Variants in SYDE1 observed in about 807,000 individuals in gnomAD.
The protein encoded by SYDE1 is rho GTPase-activating protein SYDE1.
A neutral mutation model predicts 63.3 loss-of-function variants in SYDE1; 34 were observed. The ratio of observed to expected loss-of-function variants is 0.54; its 90% confidence interval spans 0.41 to 0.71. The LOEUF is 0.71. SYDE1 is among the 30% of genes least tolerant of loss of function. SYDE1 has a pLI of 0.00. For missense variants in SYDE1, 925 were observed against 1,042.5 expected (o/e 0.89, Z 1.55); for synonymous variants, 467 against 473.4 (o/e 0.99, Z 0.18).
In SYDE1 at chr19:15,111,383, A is replaced by C. The variant is rs774505761; in HGVS notation, c.1361A>C (p.Asp454Ala). Residue 454 changes from aspartate (D) to alanine (A), a missense_variant, in exon 5 of 8, where the codon GAC becomes GCC. By Grantham distance (126) the Asp-to-Ala change is moderately radical (BLOSUM62 -2). Around this residue, in one of 3 missense-constraint regions of SYDE1, gnomAD observed 599 missense variants for 653.7 expected, o/e 0.92. Transcript: ENST00000342784. This position sits in a 1 kb window ranked among gnomAD's most constrained non-coding sequence, Gnocchi z 5.5. ...GAGCTTCGGGATGCCTTTGAGCGGG[A>C]CAGTGCAGCGGTCTGCCTATCTGAG... is the stretch of plus-strand genomic sequence containing the variant. ...KKELRDAFER[D>A]SAAVCLSEDL... 7 of 1,614,056 alleles carry C rather than the reference A, an allele frequency of 4.3e-6. No homozygotes were observed.
Position 15,111,855 on chromosome 19 carries a change from ACCC to A in SYDE1, c.1578+64_1578+66del. 1 of 1,472,152 alleles carries A rather than the reference ACCC, an allele frequency of 6.8e-7. No individual in the cohort carries two copies. Among genetic ancestry groups the A allele is most frequent in the South Asian group, 1.4e-5 (1 of 71,910 alleles). 91.2% of individuals were successfully genotyped at this position (1,472,152 alleles called of 1,614,324 possible). ...TGGGCTGATACCAATAGAATGTTTC[ACCC>A]ATGCCTGGGCCTGAGATGGGCATGA... On this transcript the variant is annotated intron_variant, in intron 6 of 7. Transcript: ENST00000342784. The surrounding 1 kb of genome is among the most constrained non-coding windows in gnomAD (Gnocchi z 5.5).
rs778297604 is a variant in SYDE1, at chr19:15,110,750, C to G, written c.1290+15C>G. 14 of 1,523,574 alleles carry G rather than the reference C, an allele frequency of 9.2e-6. No individual in the cohort carries two copies. The highest frequency in any genetic ancestry group is 2.0e-4 in the Middle Eastern group (1 of 5,096). The allele number at this position is 1,523,574 out of a possible 1,614,324, so 94.4% of individuals were successfully genotyped here. Reference sequence around the variant, plus strand: ...GAGGGCTGCGGGTGAGCACCCACCCCACCCCAACCCTCTGGCCCCCAGACC... The same window carrying G: ...GAGGGCTGCGGGTGAGCACCCACCCGACCCCAACCCTCTGGCCCCCAGACC... On this transcript the variant is annotated intron_variant, in intron 4 of 7. Transcript: ENST00000342784. This position sits in a 1 kb window ranked among gnomAD's most constrained non-coding sequence, Gnocchi z 6.9.
At chr19:15,112,641 C>A (rs2046352967) in intron 7 of SYDE1, 70 bp downstream of exon 7, 3 of 1,350,236 alleles carry the variant, frequency 2.2e-6, no homozygotes, top group South Asian at 2.9e-5. Flanking sequence ...CCTTAAGGGA[C>A]CAATCAGTGT....
Position 15,108,199 on chromosome 19 carries a change from C to T in SYDE1, c.88+678C>T, listed in dbSNP as rs1054318754. Among the ~76,000 whole-genome samples, 1 of 152,100 alleles carries T rather than the reference C, an allele frequency of 6.6e-6. No homozygotes were observed. Among genetic ancestry groups the T allele is most frequent in the African/African-American group, 2.4e-5 (1 of 41,396 alleles). On this transcript the variant is annotated intron_variant, in intron 1 of 7. Transcript: ENST00000342784. This position sits in a 1 kb window ranked among gnomAD's most constrained non-coding sequence, Gnocchi z 4.3. ...AGTTCAGCAGGGTAGCAAGTAAAAA[C>T]CTTAGAGAAACAGCTGCGTGGGATA... is the stretch of plus-strand genomic sequence containing the variant.
chr19:15,109,150 C>A lies in SYDE1; in HGVS notation c.183C>A (p.Pro61=). ...SQAGAEGPSS[P]EASRSPARGA... is the part of the protein sequence containing the mutation. ...CCGGAGCAGAGGGGCCCTCCAGCCCCGAGGCATCAAGGAGCCCTGCACGGG... is the reference window on the plus strand; with the variant it reads ...CCGGAGCAGAGGGGCCCTCCAGCCCAGAGGCATCAAGGAGCCCTGCACGGG... Residue 61 remains proline (P), a synonymous_variant, in exon 2 of 8, where the codon CCC becomes CCA. Coordinates refer to ENST00000342784, the MANE Select transcript of SYDE1 (RefSeq NM_033025.6). This position sits in a 1 kb window ranked among gnomAD's most constrained non-coding sequence, Gnocchi z 5.0. The A allele has an allele frequency of 6.4e-7, 1 of 1,551,880 alleles. No individual in the cohort carries two copies. The highest frequency in any genetic ancestry group is 8.7e-7 in the Non-Finnish European group (1 of 1,147,272).
At chr19:15,113,465 C>T (rs1026771451) in intron 7 of SYDE1, 95 bp from the exon 8 acceptor site, 13 of 1,423,120 alleles carry the variant, frequency 9.1e-6, no homozygotes, top group African/African-American at 2.9e-5. Context: ...GGTCGAAGGC[C>T]GCTTTCCACA....
rs773248318 is a variant in SYDE1 at position 15,109,346 on chromosome 19, C to A, written c.379C>A (p.Pro127Thr). Residue 127 changes from proline (P) to threonine (T), a missense_variant, in exon 2 of 8, where the codon CCC (proline) becomes ACC (threonine). Pro to Thr is a conservative substitution (Grantham distance 38, BLOSUM62 -1). Coordinates refer to ENST00000342784, the MANE Select transcript of SYDE1 (RefSeq NM_033025.6). This position sits in a 1 kb window ranked among gnomAD's most constrained non-coding sequence, Gnocchi z 5.0. The part of the protein sequence containing the change: ...EEDPRPPAPE[P>T]PGPQPGSAES... ...AGACCCCAGACCTCCAGCACCTGAG[C>A]CCCCGGGGCCACAGCCTGGCTCAGC... The A allele has an allele frequency of 5.6e-6, 9 of 1,594,916 alleles. No individual in the cohort carries two copies. In the Admixed American group the frequency reaches 8.7e-5, roughly 15 times the overall value.
chr19:15,111,333 T>C lies in SYDE1; in HGVS notation c.1311T>C (p.Leu437=), dbSNP rs530015553. 7 of 1,614,118 alleles carry C rather than the reference T, an allele frequency of 4.3e-6. No homozygotes were observed. The South Asian group carries it at 5.5e-5, about 13-fold the overall frequency. The change falls in exon 5 of 8, where the codon CTT becomes CTC. Residue 437 remains leucine, a synonymous_variant. Coordinates refer to ENST00000342784, the MANE Select transcript of SYDE1 (RefSeq NM_033025.6). This position sits in a 1 kb window ranked among gnomAD's most constrained non-coding sequence, Gnocchi z 5.5. ...CCCAGGTAGTGGGACTGTACCGTCT[T>C]TGTGGCTCAGCGGCAGTGAAGAAAG... ...RGLRVVGLYR[L]CGSAAVKKEL...
At chr19:15,112,178 A>C (rs1358238455) in intron 6 of SYDE1, among the ~76,000 whole-genome samples, 168 bp from the exon 7 acceptor site, 1 of 152,162 alleles carries the variant, frequency 6.6e-6, no homozygotes, top group Non-Finnish European at 1.5e-5. Context: ...CCCTCCAACA[A>C]AATAGGCTCA....
chr19:15,113,648 C>G lies in SYDE1; in HGVS notation c.1893C>G (p.Pro631=). The G allele has an allele frequency of 6.2e-7, 1 of 1,612,970 alleles. No homozygotes were observed. The highest frequency in any genetic ancestry group is 8.5e-7 in the Non-Finnish European group (1 of 1,179,606). ...CTCTGCACCTGCCGCTGGCAGACCC[C>G]GAAGTGGTGACTCGGCCCCGCGGTC... ...QPPLHLPLAD[P]EVVTRPRGRG... Residue 631 remains proline, a synonymous_variant, in exon 8 of 8, where the codon CCC becomes CCG. Coordinates refer to ENST00000342784, the MANE Select transcript of SYDE1 (RefSeq NM_033025.6).
Position 15,113,350 on chromosome 19 carries a change from C to G in SYDE1, c.1805-210C>G, listed in dbSNP as rs11882180. ...TCCAGGCATGATCCACAGACCTGCC[C>G]CTACCCATCTTTGATGCAGTCAGAG... On this transcript the variant is annotated intron_variant, in intron 7 of 7. Coordinates refer to ENST00000342784, the MANE Select transcript of SYDE1 (RefSeq NM_033025.6). Among the ~76,000 whole-genome samples the G allele has an allele frequency of 7.9e-3, 1,207 of 152,178 alleles. 17 individuals carry two copies. The highest frequency in any genetic ancestry group is 0.028 in the African/African-American group (1,141 of 41,452).
Position 15,110,574 on chromosome 19 carries a change from G to T in SYDE1, c.1129G>T (p.Ala377Ser). 6.3e-7 allele frequency: 1 copy of T among 1,598,808 alleles called. No individual in the cohort carries two copies. ...VRLEPQGLLY[A>S]KLTLSEQQEA... ...CCTGGAGCCTCAGGGGCTGCTGTAT[G>T]CCAAGCTGACCCTGTCGGAGCAGCA... The change falls in exon 4 of 8, where the codon GCC becomes TCC. Residue 377 changes from alanine (A) to serine (S), a missense_variant. By Grantham distance (99) the Ala-to-Ser change is moderately conservative. Transcript: ENST00000342784. The surrounding 1 kb of genome is among the most constrained non-coding windows in gnomAD (Gnocchi z 6.9).
chr19:15,112,704 C>A, intron 7 of SYDE1, 133 bp downstream of exon 7: 1 of 693,444 alleles, frequency 1.4e-6, no homozygotes, highest in East Asian at 2.8e-5. Context: ...CTGGTTGCCT[C>A]AGCAACCAGT....
Position 15,113,542 on chromosome 19 carries a change from T to C in SYDE1, c.1805-18T>C. On this transcript the variant is annotated intron_variant, in intron 7 of 7. Coordinates refer to ENST00000342784, the MANE Select transcript of SYDE1 (RefSeq NM_033025.6). ...TCGGCTGTCGCCTCTTTCTATGACC[T>C]ACCCTGTCTCCCTTCAGATCCCCGC... The C allele has an allele frequency of 1.3e-6, 2 of 1,525,812 alleles. No homozygotes were observed. The highest frequency in any genetic ancestry group is 1.8e-6 in the Non-Finnish European group (2 of 1,139,222). The allele number at this position is 1,525,812 out of a possible 1,614,324, so 94.5% of individuals were successfully genotyped here.
chr19:15,109,710 C>G lies in SYDE1; in HGVS notation c.437C>G (p.Ala146Gly). The G allele has an allele frequency of 6.7e-7, 1 of 1,501,448 alleles. No homozygotes were observed. The highest frequency in any genetic ancestry group is 8.9e-7 in the Non-Finnish European group (1 of 1,122,688). The allele number at this position is 1,501,448 out of a possible 1,614,324, so 93.0% of individuals were successfully genotyped here. A position where few individuals can be genotyped will look rare whatever the true frequency, so the allele number is the denominator to read the frequency against. The change falls in exon 3 of 8, where the codon GCC (alanine) becomes GGC (glycine). Residue 146 changes from alanine (A) to glycine (G), a missense_variant. Coordinates refer to ENST00000342784, the MANE Select transcript of SYDE1 (RefSeq NM_033025.6). The surrounding 1 kb of genome is among the most constrained non-coding windows in gnomAD (Gnocchi z 5.0). ...ESEGLAPQGA[A>G]PASPPTKASR... ...AAGTCTGCTCTCCACACAGGTGCAG[C>G]CCCCGCCAGCCCCCCAACCAAAGCC...
chr19:15,114,953 TAATA>T lies in SYDE1; in HGVS notation c.*999_*1002del, dbSNP rs758677653. ...TTTTCCGCACCTCCATCTTTGTGGA[TAATA>T]AATAAATATGCACAGGTTCTGAGAC... On this transcript the variant is annotated 3_prime_UTR_variant, in exon 8 of 8. Coordinates refer to ENST00000342784, the MANE Select transcript of SYDE1 (RefSeq NM_033025.6). 1.1e-5 allele frequency: 5 copies of T among 468,994 alleles called. No homozygotes were observed. Among genetic ancestry groups the T allele is most frequent in the East Asian group, 4.0e-5 (1 of 24,730 alleles). 29.1% of individuals were successfully genotyped at this position (468,994 alleles called of 1,614,324 possible). A position where few individuals can be genotyped will look rare whatever the true frequency, so the allele number is the denominator to read the frequency against.
In SYDE1 at chr19:15,114,053, T is replaced by C; in HGVS notation, c.*90T>C. 1 of 1,357,650 alleles carries C rather than the reference T, an allele frequency of 7.4e-7. No individual in the cohort carries two copies. The highest frequency in any genetic ancestry group is 1.0e-6 in the Non-Finnish European group (1 of 991,354). The allele number at this position is 1,357,650 out of a possible 1,614,324, so 84.1% of individuals were successfully genotyped here. A position where few individuals can be genotyped will look rare whatever the true frequency, so the allele number is the denominator to read the frequency against. On this transcript the variant is annotated 3_prime_UTR_variant, in exon 8 of 8. Coordinates refer to ENST00000342784, the MANE Select transcript of SYDE1 (RefSeq NM_033025.6). ...TGGTGACCAAGGAGAGCCAGACCTG[T>C]TGCTCAGGCCGAGCTCCTGGTTGCC...
At position 15,111,729 on chromosome 19, in the gene SYDE1, C is replaced by G. The variant is rs1480193858; in HGVS notation, c.1515C>G (p.Asn505Lys). The G allele has an allele frequency of 3.7e-6, 6 of 1,610,016 alleles. No homozygotes were observed. The highest frequency in any genetic ancestry group is 5.1e-6 in the Non-Finnish European group (6 of 1,177,848). The change falls in exon 6 of 8, where the codon AAC (asparagine) becomes AAG (lysine). Residue 505 changes from asparagine to lysine, a missense_variant. Around this residue, in one of 3 missense-constraint regions of SYDE1, gnomAD observed 71 missense variants for 132.8 expected, o/e 0.53. Coordinates refer to ENST00000342784, the MANE Select transcript of SYDE1 (RefSeq NM_033025.6). This position sits in a 1 kb window ranked among gnomAD's most constrained non-coding sequence, Gnocchi z 5.5. ...AGGCCATGGCCCGGGACCCCCCAAA[C>G]AGAGTTCCCCCCACCACTGAGGGCA... ...VLEAMARDPPNRVPPTTEGTR... is the reference protein window; with the variant it reads ...VLEAMARDPPKRVPPTTEGTR...
In SYDE1 at chr19:15,114,660, C is replaced by T. The variant is rs573595338; in HGVS notation, c.*697C>T. On this transcript the variant is annotated 3_prime_UTR_variant, in exon 8 of 8. Transcript: ENST00000342784. ...CCCCGAAAAAAATTGAGCACTTAAACCCCTCCCTTTTGGAGGGGGCCCCCT... is the reference window on the plus strand; with the variant it reads ...CCCCGAAAAAAATTGAGCACTTAAATCCCTCCCTTTTGGAGGGGGCCCCCT... 3 of 114,986 alleles carry T rather than the reference C, an allele frequency of 2.6e-5. No homozygotes were observed. In the Admixed American group the frequency reaches 3.5e-4, roughly 14 times the overall value. The allele number at this position is 114,986 out of a possible 1,614,324, so 7.1% of individuals were successfully genotyped here.
Sources: gnomAD v4.1 joint callset for allele counts (sites outside exome capture counted in the v4.1 genomes callset) on GRCh38, gnomAD v4.1.1 for gene constraint, gnomAD v4.1.1 regional missense constraint, Gnocchi (gnomAD v3.1) non-coding constraint, MANE v1.5 for transcripts, NCBI Gene and HGNC (gene_info 2026-07-23, HGNC 2026-07-21) for gene names.